CCSER1: variants seen among roughly 807,000 people sequenced by gnomAD.
CCSER1 encodes the protein serine-rich coiled-coil domain-containing protein 1.
CCSER1 carries 41 observed loss-of-function variants against 82.0 expected under a neutral mutation model. The ratio of observed to expected loss-of-function variants is 0.50; its 90% CI spans 0.39 to 0.65. The LOEUF (loss-of-function observed/expected upper bound fraction) is 0.65, where lower values mean the gene tolerates loss of function less well. Ranked by LOEUF, CCSER1 falls within the 30% of genes least tolerant of loss-of-function variation. The probability of loss-of-function intolerance (pLI) is 0.00; values close to 1 mark genes in which losing one functional copy is unlikely to be tolerated. For missense variants in CCSER1, 1,119 were observed against 1,064.2 expected (o/e 1.05, Z -0.72); for synonymous variants, 414 against 383.9 (o/e 1.08, Z -0.92).
At chr4:91,554,079 G>T (rs1005077795) in intron 10 of CCSER1, among the ~76,000 whole-genome samples, 3 of 147,994 alleles carry the variant, frequency 2.0e-5, no homozygotes, top group Non-Finnish European at 4.5e-5. Context: ...TTGGTATATT[G>T]TGCTCTCATT....
At chr4:90,375,498 T>G (rs1235258140) in intron 3 of CCSER1, among the ~76,000 whole-genome samples, 2 of 152,152 alleles carry the variant, frequency 1.3e-5, no homozygotes, top group African/African-American at 4.8e-5. Context: ...CCATCCGTGA[T>G]CCTTCTCTTC....
At chr4:90,906,906 A>C (rs1245724236) in intron 8 of CCSER1, among the ~76,000 whole-genome samples, 1 of 152,148 alleles carries the variant, frequency 6.6e-6, no homozygotes, top group Non-Finnish European at 1.5e-5. Context: ...CTATTACTCC[A>C]AATTCATTGT....
chr4:91,233,177 C>T (rs901480350), intron 10 of CCSER1, among the ~76,000 whole-genome samples: 1 of 151,738 alleles, frequency 6.6e-6, no homozygotes, highest in Non-Finnish European at 1.5e-5. Context: ...TGCTCCAAAA[C>T]AATGAGAAAG....
chr4:90,882,134 T>C (rs1342700970), intron 8 of CCSER1, among the ~76,000 whole-genome samples: 6 of 152,090 alleles, frequency 3.9e-5, no homozygotes, highest in African/African-American at 1.4e-4. Context: ...TGTTATATAA[T>C]ATCAGCTAGT....
At chr4:91,079,337 G>A (rs1722418296) in intron 9 of CCSER1, among the ~76,000 whole-genome samples, 1 of 152,144 alleles carries the variant, frequency 6.6e-6, no homozygotes, top group African/African-American at 2.4e-5. Flanking sequence ...CTTCATAAGG[G>A]AAGGAGAAAT....
chr4:90,831,998 G>T (rs9790785), intron 8 of CCSER1, among the ~76,000 whole-genome samples: 79,795 of 151,622 alleles, frequency 0.53, 21,214 homozygotes, highest in African/African-American at 0.58. Context: ...GTGTAATTAC[G>T]TTCTTAAAAT....
At chr4:90,915,434 T>C (rs13136454) in intron 8 of CCSER1, among the ~76,000 whole-genome samples, 1 of 152,136 alleles carries the variant, frequency 6.6e-6, no homozygotes, top group Non-Finnish European at 1.5e-5. Flanking sequence ...TCTCAATAGA[T>C]GCAGAAAAGG....
Position 90,313,061 on chromosome 4 carries a change from T to TA in CCSER1, c.1509+15dup. On this transcript the variant is annotated intron_variant, in intron 3 of 10. Coordinates refer to ENST00000509176, the MANE Select transcript of CCSER1 (RefSeq NM_001145065.2). The stretch of plus-strand genomic sequence containing the variant: ...ATGAACAGTTTGGTAAGTATATACA[T>TA]ATGTCTGCCTCTAATAAAATAATGC... 1 of 1,568,898 alleles carries TA rather than the reference T, an allele frequency of 6.4e-7. No individual in the cohort carries two copies. The highest frequency in any genetic ancestry group is 8.7e-7 in the Non-Finnish European group (1 of 1,149,136).
At chr4:90,918,413 A>C in intron 8 of CCSER1, 1 of 371,486 alleles carries the variant, frequency 2.7e-6, no homozygotes, top group East Asian at 7.2e-5. Flanking sequence ...TACAGCACTG[A>C]AAGCTGGAGT....
At chr4:91,533,189 GA>G (rs1761122331) in intron 10 of CCSER1, among the ~76,000 whole-genome samples, 1 of 152,074 alleles carries the variant, frequency 6.6e-6, no homozygotes, top group African/African-American at 2.4e-5. Flanking sequence ...TTTTCAGAGG[GA>G]TTATTTTATA....
intron 10 of CCSER1, among the ~76,000 whole-genome samples, chr4:91,443,730 TG>T (rs2149409726): frequency 6.7e-6 from 1 of 148,244 alleles, no homozygotes; most frequent in South Asian, 2.1e-4. Context: ...GAAAACTATA[TG>T]TATATATATA....
At chr4:90,328,623 G>A (rs1369959828) in intron 3 of CCSER1, among the ~76,000 whole-genome samples, 3 of 152,266 alleles carry the variant, frequency 2.0e-5, no homozygotes, top group Non-Finnish European at 2.9e-5. Flanking sequence ...CAAAAGTTGC[G>A]GGCATTGTGC....
rs528073301 is a variant in CCSER1 at position 90,352,303 on chromosome 4, G to A, written c.1509+39256G>A. On this transcript the variant is annotated intron_variant, in intron 3 of 10. Coordinates refer to ENST00000509176, the MANE Select transcript of CCSER1 (RefSeq NM_001145065.2). ...TGCGCCACTGCACTCCAGCCTGGGCGACAGACCGAGACTCTGTCTCAAAAA... is the reference window on the plus strand; with the variant it reads ...TGCGCCACTGCACTCCAGCCTGGGCAACAGACCGAGACTCTGTCTCAAAAA... Among the ~76,000 whole-genome samples, 13 of 151,974 alleles carry A rather than the reference G, an allele frequency of 8.6e-5. 1 individual carries two copies. In the South Asian group the frequency reaches 2.5e-3, roughly 29 times the overall value.
chr4:90,142,958 A>C (rs1435283255), intron 1 of CCSER1, among the ~76,000 whole-genome samples: 1 of 152,194 alleles, frequency 6.6e-6, no homozygotes, highest in African/African-American at 2.4e-5. Flanking sequence ...ATATTGCAAT[A>C]GCAGGAGTTC....
chr4:90,608,640 T>A (rs573386520), intron 5 of CCSER1, among the ~76,000 whole-genome samples: 1 of 152,158 alleles, frequency 6.6e-6, no homozygotes, highest in Non-Finnish European at 1.5e-5. Context: ...TAATAGATAC[T>A]ATTAATAAAA....
intron 7 of CCSER1, chr4:90,781,554 A>G (rs959979837): frequency 1.3e-5 from 13 of 979,022 alleles, no homozygotes; most frequent in Non-Finnish European, 1.6e-5. Flanking sequence ...TAAAATATGA[A>G]ATACATAAAT....
intron 10 of CCSER1, among the ~76,000 whole-genome samples, chr4:91,311,611 C>G (rs976986705): frequency 6.6e-6 from 1 of 151,690 alleles, no homozygotes; most frequent in Non-Finnish European, 1.5e-5. Flanking sequence ...GTTCTTTCAC[C>G]CTTAGTAGCT....
chr4:90,683,430 C>A (rs2149191437), intron 6 of CCSER1, among the ~76,000 whole-genome samples: 1 of 152,142 alleles, frequency 6.6e-6, no homozygotes, highest in South Asian at 2.1e-4. Flanking sequence ...CTCTATAAAT[C>A]ATAATCTAGT....
chr4:91,322,840 A>G (rs890596865), intron 10 of CCSER1, among the ~76,000 whole-genome samples: 1 of 152,156 alleles, frequency 6.6e-6, no homozygotes, highest in Non-Finnish European at 1.5e-5. Flanking sequence ...TGCAAATCTG[A>G]TTGTGTTATA....
Sources: allele counts gnomAD v4.1 joint callset (sites outside exome capture counted in the v4.1 genomes callset), GRCh38; gene constraint gnomAD v4.1.1; transcripts MANE v1.5; gene names NCBI Gene and HGNC (gene_info 2026-07-23, HGNC 2026-07-21).